Variants in CSMD1 observed in about 807,000 individuals in gnomAD.
The protein encoded by CSMD1 is CUB and Sushi multiple domains 1.
CSMD1 carries 213 observed loss-of-function variants against 417.5 expected under a neutral mutation model. That is an observed-to-expected ratio of 0.51 (90% CI 0.46 to 0.57). The LOEUF is 0.57. CSMD1 is among the 20% of genes least tolerant of loss of function. CSMD1 has a pLI of 0.00. For synonymous variants in CSMD1, 2,862 were observed against 1,736.8 expected, an observed-to-expected ratio of 1.65 and a Z score of -16.11; for missense variants, 6,923 against 4,529.7, an observed-to-expected ratio of 1.53 and a Z score of -15.17.
At chr8:3,901,242 T>C (rs935080133) in intron 5 of CSMD1, among the ~76,000 whole-genome samples, 3 of 152,204 alleles carry the variant, frequency 2.0e-5, no homozygotes, top group Non-Finnish European at 4.4e-5. Context: ...TTAGTAATGT[T>C]CTTTTCCAGT....
At chr8:4,501,796 A>T (rs1421458020) in intron 2 of CSMD1, among the ~76,000 whole-genome samples, 1 of 152,120 alleles carries the variant, frequency 6.6e-6, no homozygotes, top group South Asian at 2.1e-4. Flanking sequence ...TGACTTTATA[A>T]CATGCAAGCG....
chr8:3,790,548 C>G (rs765322654), intron 5 of CSMD1, among the ~76,000 whole-genome samples: 3 of 152,096 alleles, frequency 2.0e-5, no homozygotes, highest in Non-Finnish European at 4.4e-5. Flanking sequence ...ACAACAGAAA[C>G]TTAGACAACT....
At chr8:4,190,258 A>C (rs1277741837) in intron 3 of CSMD1, among the ~76,000 whole-genome samples, 1 of 149,896 alleles carries the variant, frequency 6.7e-6, no homozygotes, top group African/African-American at 2.4e-5. Flanking sequence ...GTCTCCAAAA[A>C]AAAAAAAAAA....
intron 8 of CSMD1, among the ~76,000 whole-genome samples, chr8:3,616,327 C>G (rs1435910334): frequency 6.6e-6 from 1 of 152,038 alleles, no homozygotes. Flanking sequence ...GGATTTTCCT[C>G]CACTTCGCTC....
chr8:4,566,379 C>T (rs1281874347), intron 2 of CSMD1, among the ~76,000 whole-genome samples: 4 of 152,026 alleles, frequency 2.6e-5, no homozygotes, highest in African/African-American at 4.8e-5. Flanking sequence ...GTTGGCCGGG[C>T]GTGGTGGCTC....
At chr8:4,162,445 G>A (rs550022563) in intron 3 of CSMD1, among the ~76,000 whole-genome samples, 1 of 152,174 alleles carries the variant, frequency 6.6e-6, no homozygotes, top group Admixed American at 6.5e-5. Context: ...ACAGAATAGA[G>A]GTGAATTCAA....
At chr8:4,193,742 A>C (rs966204802) in intron 3 of CSMD1, among the ~76,000 whole-genome samples, 3 of 152,178 alleles carry the variant, frequency 2.0e-5, no homozygotes, top group African/African-American at 7.2e-5. Context: ...GAGAATGTTT[A>C]ACAAGTGATT....
chr8:4,114,792 G>C (rs1219508952), intron 3 of CSMD1, among the ~76,000 whole-genome samples: 1 of 152,190 alleles, frequency 6.6e-6, no homozygotes, highest in East Asian at 1.9e-4. Context: ...GGTACCTGCA[G>C]ATGTGGTAGA....
chr8:2,974,485 G>A lies in CSMD1; in HGVS notation c.8706C>T (p.Asp2902=). The change falls in exon 56 of 70, where the codon GAC becomes GAT. Residue 2902 remains aspartate (D), a synonymous_variant. Transcript: ENST00000635120. ...IGNDTRVCQE[D]SHWSGALPHC... ...GGGGCAGTGCCCCGCTCCAGTGACT[G>A]TCTTCCTGGCACACTCTCGTGTCGT... 1 of 1,612,618 alleles carries A rather than the reference G, an allele frequency of 6.2e-7. No homozygotes were observed. Among genetic ancestry groups the A allele is most frequent in the Non-Finnish European group, 8.5e-7 (1 of 1,178,868 alleles).
At chr8:4,004,060 TATA>T (rs1436666460) in intron 4 of CSMD1, among the ~76,000 whole-genome samples, 8 of 152,056 alleles carry the variant, frequency 5.3e-5, no homozygotes, top group Non-Finnish European at 8.8e-5. Flanking sequence ...GAAAAAAGGG[TATA>T]ATGTCTGATC....
In CSMD1 at chr8:3,468,715, G is replaced by C. The variant is rs762659316; in HGVS notation, c.1558C>G (p.Gln520Glu). 1.1e-5 allele frequency: 18 copies of C among 1,591,826 alleles called. No individual in the cohort carries two copies. Among genetic ancestry groups the C allele is most frequent in the African/African-American group, 4.0e-5 (3 of 74,566 alleles). ...GTGAAGTGTAATCTCATCATACCTTGGTAAACAGCTTTAAACCCAGGTGAG... is the reference window on the plus strand; with the variant it reads ...GTGAAGTGTAATCTCATCATACCTTCGTAAACAGCTTTAAACCCAGGTGAG... ...IGSPGFKAVY[Q>E]EIEKGGCGDP... Residue 520 changes from glutamine to glutamate, a missense_variant, in exon 12 of 70, where the codon CAA becomes GAA. Gln to Glu is a conservative substitution (Grantham distance 29). Coordinates refer to ENST00000635120, the MANE Select transcript of CSMD1 (RefSeq NM_033225.6).
intron 3 of CSMD1, among the ~76,000 whole-genome samples, chr8:4,411,274 T>C (rs570844352): frequency 1.1e-4 from 16 of 152,198 alleles, no homozygotes; most frequent in African/African-American, 3.9e-4. Flanking sequence ...ATGGGCTCTA[T>C]GGAGTTAACT....
At chr8:3,346,848 T>G (rs1047341335) in intron 22 of CSMD1, among the ~76,000 whole-genome samples, 2 of 152,246 alleles carry the variant, frequency 1.3e-5, no homozygotes, top group East Asian at 1.9e-4. Context: ...TGTAAATTAA[T>G]TGAAAAACCC....
intron 10 of CSMD1, among the ~76,000 whole-genome samples, chr8:3,516,954 A>C (rs982221110): frequency 6.6e-6 from 1 of 152,246 alleles, no homozygotes; most frequent in Non-Finnish European, 1.5e-5. Flanking sequence ...GTGGATAAAG[A>C]GGATGCTTCT....
intron 5 of CSMD1, among the ~76,000 whole-genome samples, chr8:3,861,407 C>A (rs1401462104): frequency 6.6e-6 from 1 of 152,114 alleles, no homozygotes; most frequent in African/African-American, 2.4e-5. Flanking sequence ...TGAAAATAAC[C>A]CTGATTGGTA....
At chr8:4,362,942 A>G (rs116240949) in intron 3 of CSMD1, among the ~76,000 whole-genome samples, 1,902 of 152,316 alleles carry the variant, frequency 0.012, 33 homozygotes, top group African/African-American at 0.042. Context: ...GGACAAGTCT[A>G]TGTAATTTAA....
At chr8:4,426,046 T>A (rs950501702) in intron 2 of CSMD1, among the ~76,000 whole-genome samples, 1 of 151,674 alleles carries the variant, frequency 6.6e-6, no homozygotes, top group Non-Finnish European at 1.5e-5. Flanking sequence ...GATTATGAAA[T>A]TTTACTGAAG....
intron 5 of CSMD1, among the ~76,000 whole-genome samples, chr8:3,981,422 G>A (rs766603150): frequency 4.1e-5 from 6 of 146,954 alleles, no homozygotes; most frequent in African/African-American, 1.5e-4. Flanking sequence ...GGGTGCACCA[G>A]GATCTCACAA....
At chr8:4,166,094 T>C (rs1026388827) in intron 3 of CSMD1, among the ~76,000 whole-genome samples, 2 of 152,208 alleles carry the variant, frequency 1.3e-5, no homozygotes, top group African/African-American at 4.8e-5. Flanking sequence ...ACATTCTTAA[T>C]GATGAGGTCA....
Sources: allele counts gnomAD v4.1 joint callset (sites outside exome capture counted in the v4.1 genomes callset), GRCh38; gene constraint gnomAD v4.1.1; transcripts MANE v1.5; gene names NCBI Gene and HGNC (gene_info 2026-07-23, HGNC 2026-07-21).